Variants in HPS5 observed in about 807,000 individuals in gnomAD.
The protein encoded by HPS5 is BLOC-2 complex member HPS5.
In HPS5, 83 loss-of-function variants were observed where a neutral mutation model predicts 128.0. That is an observed-to-expected ratio of 0.65 (90% CI 0.54 to 0.78). HPS5 has a LOEUF of 0.78. Among genes scored for constraint, HPS5 ranks in the 30% least tolerant of loss-of-function variants. HPS5 has a pLI of 0.00. For missense variants in HPS5, 1,281 were observed against 1,326.2 expected, an observed-to-expected ratio of 0.97 and a Z score of 0.53; for synonymous variants, 475 against 470.2, an observed-to-expected ratio of 1.01 and a Z score of -0.13.
At chr11:18,286,233 T>C (rs548419449) in intron 19 of HPS5, among the ~76,000 whole-genome samples, 1 of 152,218 alleles carries the variant, frequency 6.6e-6, no homozygotes, top group Non-Finnish European at 1.5e-5. Context: ...AAAGGAACAC[T>C]GGAGCTTAAT....
intron 5 of HPS5, among the ~76,000 whole-genome samples, chr11:18,309,747 T>A (rs1862757998): frequency 6.6e-6 from 1 of 152,100 alleles, no homozygotes; most frequent in Non-Finnish European, 1.5e-5. Context: ...ATGTCTGTAA[T>A]CCCAGCACTT....
intron 16 of HPS5, among the ~76,000 whole-genome samples, chr11:18,290,266 C>T (rs1236320785): frequency 1.3e-5 from 2 of 152,172 alleles, no homozygotes; most frequent in African/African-American, 4.8e-5. Flanking sequence ...GAATACCTGT[C>T]CTGGACTGTT....
chr11:18,302,828 G>GA (rs1295580551), intron 8 of HPS5, among the ~76,000 whole-genome samples: 1 of 72,040 alleles, frequency 1.4e-5, no homozygotes, highest in Non-Finnish European at 2.9e-5. Flanking sequence ...AAAGCGGGGG[G>GA]GGGGGGGGTG....
intron 10 of HPS5, 44 bp from the exon 11 acceptor site, chr11:18,297,761 T>C (rs748601507): frequency 6.3e-6 from 10 of 1,581,552 alleles, no homozygotes; most frequent in Non-Finnish European, 8.7e-6. Context: ...TGTAGGTAAA[T>C]CTATATTCAA....
intron 2 of HPS5, among the ~76,000 whole-genome samples, chr11:18,315,006 T>C (rs1863452914): frequency 6.6e-6 from 1 of 151,196 alleles, no homozygotes; most frequent in Non-Finnish European, 1.5e-5. Context: ...GGGCAGCTTC[T>C]TCCTCTTAGC....
intron 8 of HPS5, 38 bp from the exon 9 acceptor site, chr11:18,300,954 G>T: frequency 8.3e-7 from 1 of 1,199,274 alleles, no homozygotes; most frequent in Non-Finnish European, 1.2e-6. Flanking sequence ...AAGTGTGCTA[G>T]GATACAAAAG....
At chr11:18,299,951 C>G (rs181053853) in intron 9 of HPS5, among the ~76,000 whole-genome samples, 32 of 152,150 alleles carry the variant, frequency 2.1e-4, no homozygotes, top group African/African-American at 7.5e-4. Flanking sequence ...AAAAGCAGAA[C>G]AGAGGTGACT....
chr11:18,282,880 G>T (rs963774244), intron 21 of HPS5, among the ~76,000 whole-genome samples: 1 of 152,100 alleles, frequency 6.6e-6, no homozygotes, highest in African/African-American at 2.4e-5. Context: ...ATATGCATGG[G>T]GCCCACATAA....
At chr11:18,320,453 C>T (rs1400268520) in intron 1 of HPS5, among the ~76,000 whole-genome samples, 1 of 152,188 alleles carries the variant, frequency 6.6e-6, no homozygotes, top group Non-Finnish European at 1.5e-5. Context: ...AATTCCAGTC[C>T]TCCAAAGGGC....
At chr11:18,320,955 CAGT>C (rs1344075153) in intron 1 of HPS5, among the ~76,000 whole-genome samples, 2 of 152,178 alleles carry the variant, frequency 1.3e-5, no homozygotes, top group Admixed American at 6.5e-5. Context: ...TAGCTACATA[CAGT>C]AGAACTGAGC....
Position 18,280,462 on chromosome 11 carries a change from C to T in HPS5, c.3330-520G>A, listed in dbSNP as rs1234731526. Reference sequence around the variant, plus strand: ...GCAGGAAAGTAAAATGGTGCAGTCTCTACAGAACAGTATGGTGGTTCCTCA... The same window carrying T: ...GCAGGAAAGTAAAATGGTGCAGTCTTTACAGAACAGTATGGTGGTTCCTCA... On this transcript the variant is annotated intron_variant, in intron 22 of 22. Transcript: ENST00000349215. 4 of 650,880 alleles carry T rather than the reference C, an allele frequency of 6.1e-6. No homozygotes were observed. In the East Asian group the frequency reaches 8.2e-5, roughly 13 times the overall value. 40.3% of individuals were successfully genotyped at this position (650,880 alleles called of 1,614,324 possible).
chr11:18,290,348 GCTACCTAAGATCTCTCT>G (rs1292878910), intron 16 of HPS5, among the ~76,000 whole-genome samples: 2 of 152,158 alleles, frequency 1.3e-5, no homozygotes, highest in African/African-American at 4.8e-5. Context: ...CAGCAGTTTA[GCTACCTAAGATCTCTCT>G]CTGCCTCAGA....
intron 6 of HPS5, 78 bp downstream of exon 6, chr11:18,308,868 G>C: frequency 7.1e-7 from 1 of 1,409,224 alleles, no homozygotes; most frequent in Non-Finnish European, 1.0e-6. Context: ...GATTGATGGG[G>C]CTTGGGGTAG....
intron 5 of HPS5, 81 bp from the exon 6 acceptor site, chr11:18,309,160 G>A: frequency 7.4e-7 from 1 of 1,352,800 alleles, no homozygotes; most frequent in South Asian, 1.2e-5. Flanking sequence ...CCTTGTAAAT[G>A]AAAATAACTT....
At chr11:18,305,912 T>C (rs955432123) in intron 7 of HPS5, among the ~76,000 whole-genome samples, 2 of 149,926 alleles carry the variant, frequency 1.3e-5, no homozygotes, top group African/African-American at 2.5e-5. Flanking sequence ...GTTTGTATTT[T>C]TGGTAGAGAC....
chr11:18,296,553 A>T, intron 12 of HPS5: 1 of 608,486 alleles, frequency 1.6e-6, no homozygotes, highest in South Asian at 2.0e-5. Context: ...TAACCTTTCC[A>T]GCATTTTGAT....
intron 8 of HPS5, among the ~76,000 whole-genome samples, chr11:18,305,065 G>A (rs1448607551): frequency 6.6e-6 from 1 of 152,214 alleles, no homozygotes; most frequent in Admixed American, 6.5e-5. Context: ...TTTTGTGCCT[G>A]CTTGCTAAAA....
At chr11:18,297,500 A>G (rs1861215810) in intron 11 of HPS5, 59 bp downstream of exon 11, 1 of 1,525,138 alleles carries the variant, frequency 6.6e-7, no homozygotes, top group Non-Finnish European at 9.1e-7. Context: ...GGTAAATAAG[A>G]ACAACCGAAG....
Position 18,279,894 on chromosome 11 carries a change from G to A in HPS5, c.3378C>T (p.Ser1126=), listed in dbSNP as rs200556683. The change falls in exon 23 of 23, where the codon TCC becomes TCT. Residue 1126 remains serine (S), a synonymous_variant. Transcript: ENST00000349215. ...GAATCTTCTCCCACTAGGCCTGCTG[G>A]GACCAGAGAAACCGATCGCATTTTT... ...MLEKCDRFLW[S]QQA The A allele has an allele frequency of 6.9e-5, 111 of 1,613,918 alleles. 1 individual carries two copies. Among genetic ancestry groups the A allele is most frequent in the Admixed American group, 8.3e-5 (5 of 59,986 alleles).
Sources: allele counts gnomAD v4.1 joint callset (sites outside exome capture counted in the v4.1 genomes callset), GRCh38; gene constraint gnomAD v4.1.1; transcripts MANE v1.5; gene names NCBI Gene and HGNC (gene_info 2026-07-23, HGNC 2026-07-21).